PRH1: variants seen among roughly 807,000 people sequenced by gnomAD.
The protein encoded by PRH1 is salivary acidic proline-rich phosphoprotein 1/2.
In PRH1, 7 loss-of-function variants were observed where a neutral mutation model predicts 7.9. That is an observed-to-expected ratio of 0.89 (90% confidence interval 0.50 to 1.67). The LOEUF is 1.67. Among genes scored for constraint, PRH1 ranks in the 40% most tolerant of loss-of-function variants. PRH1 has a pLI of 0.00. For missense variants in PRH1, 109 were observed against 223.6 expected, an observed-to-expected ratio of 0.49 and a Z score of 3.27; for synonymous variants, 45 against 80.8, an observed-to-expected ratio of 0.56 and a Z score of 2.38.
intron 1 of PRH1, chr12:11,021,901 T>A: frequency 6.2e-7 from 1 of 1,614,224 alleles, no homozygotes; most frequent in South Asian, 1.1e-5. Context: ...AGCTTTTATA[T>A]GGACCTTGGT....
chr12:10,902,432 C>T (rs755479822), intron 2 of PRH1, among the ~76,000 whole-genome samples: 2 of 152,000 alleles, frequency 1.3e-5, no homozygotes, highest in Non-Finnish European at 2.9e-5. Flanking sequence ...TAGTTAATAA[C>T]CTGGAAAACA....
chr12:10,992,401 T>G (rs577253262), intron 1 of PRH1, among the ~76,000 whole-genome samples: 1 of 132,736 alleles, frequency 7.5e-6, no homozygotes, highest in South Asian at 3.6e-4. Flanking sequence ...TTTTCGGTTG[T>G]TCGTTTTTTT....
chr12:11,143,750 TAAA>T (rs74533382), intron 1 of PRH1, among the ~76,000 whole-genome samples: 68,935 of 151,774 alleles, frequency 0.45, 16,424 homozygotes, highest in Non-Finnish European at 0.52. Flanking sequence ...GGTCAACATA[TAAA>T]GGGGTCAACT....
At chr12:11,042,647 T>TTTTC (rs1942756818) in intron 1 of PRH1, among the ~76,000 whole-genome samples, 1 of 105,314 alleles carries the variant, frequency 9.5e-6, no homozygotes. Context: ...TTTTTTTTTT[T>TTTTC]GAGGCAGAGT....
chr12:11,008,577 C>T (rs368623756), intron 1 of PRH1, among the ~76,000 whole-genome samples: 1 of 152,126 alleles, frequency 6.6e-6, no homozygotes, highest in Non-Finnish European at 1.5e-5. Flanking sequence ...GTATGCAACC[C>T]TAAACTCAAT....
chr12:11,142,891 C>T (rs990057863), intron 1 of PRH1, among the ~76,000 whole-genome samples: 2 of 151,990 alleles, frequency 1.3e-5, no homozygotes, highest in Non-Finnish European at 2.9e-5. Flanking sequence ...CTTTTCCAAA[C>T]CAACAAAAGC....
chr12:10,927,219 C>T (rs1489518447), intron 2 of PRH1, among the ~76,000 whole-genome samples: 1 of 152,182 alleles, frequency 6.6e-6, no homozygotes, highest in Non-Finnish European at 1.5e-5. Flanking sequence ...AGGCTTGCAG[C>T]TTTCTCCGTT....
chr12:10,979,403 G>T (rs557422489), intron 1 of PRH1, among the ~76,000 whole-genome samples: 3 of 152,186 alleles, frequency 2.0e-5, no homozygotes, highest in Admixed American at 1.3e-4. Context: ...AAGGACACAA[G>T]TATGAAGTCC....
chr12:11,036,912 A>G (rs941143972), intron 1 of PRH1, among the ~76,000 whole-genome samples: 1 of 152,206 alleles, frequency 6.6e-6, no homozygotes, highest in African/African-American at 2.4e-5. Flanking sequence ...GTTTCTAAGT[A>G]CTGGAGCTCA....
intron 2 of PRH1, among the ~76,000 whole-genome samples, chr12:10,911,895 C>G (rs923156768): frequency 6.6e-6 from 1 of 152,130 alleles, no homozygotes; most frequent in South Asian, 2.1e-4. Flanking sequence ...ATCACAACCC[C>G]TATCTTCATT....
At chr12:11,091,539 C>T (rs1944902075) in intron 1 of PRH1, 1 of 1,456,852 alleles carries the variant, frequency 6.9e-7, no homozygotes, top group Non-Finnish European at 9.6e-7. Flanking sequence ...AAGGAGATCA[C>T]AGTTTGCAAA....
intron 1 of PRH1, among the ~76,000 whole-genome samples, chr12:11,020,403 T>C (rs1941557689): frequency 1.5e-5 from 1 of 66,800 alleles, no homozygotes; most frequent in Admixed American, 1.8e-4. Context: ...TCTATAGATA[T>C]AGATATAGAT....
chr12:11,022,071 T>G, intron 1 of PRH1: 1 of 1,613,958 alleles, frequency 6.2e-7, no homozygotes, highest in Non-Finnish European at 8.5e-7. Flanking sequence ...CATTCCTCAA[T>G]TTGATCTTCC....
downstream of PRH1, among the ~76,000 whole-genome samples, chr12:11,115,955 G>A (rs1376033460): frequency 1.3e-5 from 2 of 151,688 alleles, no homozygotes; most frequent in African/African-American, 4.8e-5. Flanking sequence ...AGAAAAACTT[G>A]AAATAAACAA....
At chr12:11,073,409 C>G (rs1375589560) in intron 1 of PRH1, among the ~76,000 whole-genome samples, 12 of 129,450 alleles carry the variant, frequency 9.3e-5, no homozygotes, top group Non-Finnish European at 1.9e-4. Flanking sequence ...GCTGGGATTA[C>G]AGGGGTGAGC....
At chr12:11,063,671 T>C (rs1037195334) in intron 1 of PRH1, among the ~76,000 whole-genome samples, 1 of 152,112 alleles carries the variant, frequency 6.6e-6, no homozygotes, top group African/African-American at 2.4e-5. Context: ...GTGGGAAATA[T>C]GTACAACCTT....
intron 1 of PRH1, among the ~76,000 whole-genome samples, chr12:11,086,059 G>A (rs796179230): frequency 0.39 from 33,692 of 86,424 alleles, 6,967 homozygotes; most frequent in Non-Finnish European, 0.5. Flanking sequence ...TTAACTAATA[G>A]TTTTGTATAA....
At chr12:10,992,530 C>CT (rs1939986599) in intron 1 of PRH1, among the ~76,000 whole-genome samples, 1 of 152,164 alleles carries the variant, frequency 6.6e-6, no homozygotes, top group Non-Finnish European at 1.5e-5. Flanking sequence ...ACTGATCCCC[C>CT]TGCCAGAACT....
chr12:11,158,412 T>C (rs1176652518), intron 1 of PRH1, among the ~76,000 whole-genome samples: 5 of 152,158 alleles, frequency 3.3e-5, no homozygotes, highest in South Asian at 2.1e-4. Context: ...ACTGTATTTA[T>C]AATTTTTTGT....
Sources: allele counts gnomAD v4.1 joint callset (sites outside exome capture counted in the v4.1 genomes callset), GRCh38; gene constraint gnomAD v4.1.1; transcripts MANE v1.5; gene names NCBI Gene and HGNC (gene_info 2026-07-23, HGNC 2026-07-21).